SYT15: variants seen among roughly 807,000 people sequenced by gnomAD.
SYT15 encodes synaptotagmin-15.
In SYT15, 4 loss-of-function variants were observed where a neutral mutation model predicts 30.1. The observed-to-expected ratio is 0.13, with a 90% CI of 0.07 to 0.30. SYT15 has a LOEUF of 0.30. Ranked by LOEUF, SYT15 falls within the 10% of genes least tolerant of loss-of-function variation. The pLI is 1.00. For synonymous variants in SYT15, 19 were observed against 166.3 expected (o/e 0.11, Z 6.82); for missense variants, 49 against 371.7 (o/e 0.13, Z 7.14).
In SYT15 at chr10:46,584,502, C is replaced by CGGA. The variant is rs1555039478; in HGVS notation, c.832_834dup (p.Glu278dup). 1 of 1,612,176 alleles carries CGGA rather than the reference C, an allele frequency of 6.2e-7. No individual in the cohort carries two copies. Among genetic ancestry groups the CGGA allele is most frequent in the Non-Finnish European group, 8.5e-7 (1 of 1,179,164 alleles). On this transcript the variant is annotated inframe_insertion, in exon 6 of 8. Coordinates refer to ENST00000374321, the MANE Select transcript of SYT15 (RefSeq NM_031912.5). Reference sequence around the variant, plus strand: ...CCATCTTGGCCTCCCCAGCCCCCCTCGGAGTTTGGCGACCTCCAGTTCTGC... The same window carrying CGGA: ...CCATCTTGGCCTCCCCAGCCCCCCTCGGAGGAGTTTGGCGACCTCCAGTTCTGC...
At chr10:46,584,864 A>G (rs1417612010) in intron 6 of SYT15, among the ~76,000 whole-genome samples, 1 of 127,974 alleles carries the variant, frequency 7.8e-6, no homozygotes, top group African/African-American at 3.1e-5. Flanking sequence ...CCGCAATACC[A>G]GGCCCTGCCC....
rs1407679685 is a variant in SYT15, at chr10:46,580,742, T to C, written c.213-152T>C. ...TGCGTGTGTGTGTGTGTGTGTTGCC[T>C]GGTATGGGCCCAGAAAATGGTGCCC... is the stretch of plus-strand genomic sequence containing the variant. On this transcript the variant is annotated intron_variant, in intron 2 of 7. Transcript: ENST00000374321. 1.0e-3 allele frequency among the ~76,000 whole-genome samples: 143 copies of C among 139,410 alleles called. 22 individuals carry two copies. The highest frequency in any genetic ancestry group is 3.9e-3 in the African/African-American group (136 of 34,800). The allele number at this position is 139,410 out of a possible 152,430, so 91.5% of individuals were successfully genotyped here.
In SYT15 at chr10:46,592,026, G is replaced by GAT. The variant is rs1845465740; in HGVS notation, c.*4383_*4384dup. The GAT allele has an allele frequency of 7.7e-6, 1 of 130,330 alleles. No homozygotes were observed. Among genetic ancestry groups the GAT allele is most frequent in the Admixed American group, 7.6e-5 (1 of 13,204 alleles). The allele number at this position is 130,330 out of a possible 1,614,324, so 8.1% of individuals were successfully genotyped here. A position where few individuals can be genotyped will look rare whatever the true frequency, so the allele number is the denominator to read the frequency against. Reference sequence around the variant, plus strand: ...TGAATTTACATTTATTGTAATTACTGATATAGTTGTGTTCATAAATACCAT... The same window carrying GAT: ...TGAATTTACATTTATTGTAATTACTGATATATAGTTGTGTTCATAAATACCAT... On this transcript the variant is annotated 3_prime_UTR_variant, in exon 8 of 8. Transcript: ENST00000374321.
downstream of SYT15, among the ~76,000 whole-genome samples, chr10:46,595,230 T>C (rs1845630616): frequency 2.9e-4 from 32 of 109,098 alleles, no homozygotes; most frequent in South Asian, 6.2e-4. Flanking sequence ...CAGGTTCAAG[T>C]GATTCTCCTG....
At chr10:46,596,040 A>G (rs1845670434), downstream of SYT15, 2 of 146,428 alleles carry the variant, frequency 1.4e-5, no homozygotes, top group Non-Finnish European at 3.0e-5. Flanking sequence ...AGGGCAATGG[A>G]CACAGCCACA....
downstream of SYT15, chr10:46,596,888 A>G (rs1845706957): frequency 5.3e-6 from 2 of 379,958 alleles, no homozygotes; most frequent in Admixed American, 3.6e-5. Context: ...ATGGGATTGG[A>G]CATTTTAAAT....
At position 46,586,712 on chromosome 10, in the gene SYT15, G is replaced by T. The variant is rs535306352; in HGVS notation, c.1124-793G>T. Among the ~76,000 whole-genome samples the T allele has an allele frequency of 1.6e-3, 214 of 130,302 alleles. 31 individuals carry two copies. The highest frequency in any genetic ancestry group is 8.2e-3 in the Middle Eastern group (2 of 244). The allele number at this position is 130,302 out of a possible 152,430, so 85.5% of individuals were successfully genotyped here. A position where few individuals can be genotyped will look rare whatever the true frequency, so the allele number is the denominator to read the frequency against. On this transcript the variant is annotated intron_variant, in intron 7 of 7. Transcript: ENST00000374321. ...ATACAAAAGTTAGCTAGGCGTGGTG[G>T]TGCACGCCTGTAGGCCCAACTACTC... is the stretch of plus-strand genomic sequence containing the variant.
chr10:46,586,855 A>G (rs1371055988), intron 7 of SYT15, among the ~76,000 whole-genome samples: 1,074 of 22,678 alleles, frequency 0.047, 83 homozygotes, highest in African/African-American at 0.13. Flanking sequence ...AAAAAAAAAA[A>G]GAAAAGAAAA....
downstream of SYT15, chr10:46,593,298 T>C (rs1845536812): frequency 6.9e-6 from 1 of 144,576 alleles, no homozygotes; most frequent in Non-Finnish European, 1.5e-5. Context: ...AGTTTAAGTA[T>C]AGTGTGCCTG....
At chr10:46,594,532 T>C (rs1355970645), downstream of SYT15, among the ~76,000 whole-genome samples, 1 of 141,236 alleles carries the variant, frequency 7.1e-6, no homozygotes, top group Non-Finnish European at 1.5e-5. Flanking sequence ...GTCTCCCTTC[T>C]ACATGATATC....
downstream of SYT15, among the ~76,000 whole-genome samples, chr10:46,594,545 G>A (rs1444544196): frequency 3.7e-4 from 52 of 142,268 alleles, 5 homozygotes; most frequent in Non-Finnish European, 2.9e-4. Flanking sequence ...ATGATATCTC[G>A]GCCCCTTCAG....
chr10:46,580,680 CTGTGTGTGTGTGTG>C (rs10588659), intron 2 of SYT15, among the ~76,000 whole-genome samples, 200 bp from the exon 3 acceptor site: 6 of 125,438 alleles, frequency 4.8e-5, no homozygotes, highest in East Asian at 4.3e-4. Context: ...AATCCCACTG[CTGTGTGTGTGTGTG>C]TGTGTGTGTG....
intron 1 of SYT15, among the ~76,000 whole-genome samples, chr10:46,579,826 CT>C (rs1555035622): frequency 1.0e-5 from 1 of 96,916 alleles, no homozygotes; most frequent in African/African-American, 5.0e-5. Context: ...TATGGAGGTT[CT>C]GGTGAGGGCA....
Position 46,591,823 on chromosome 10 carries a change from A to G in SYT15, c.*4176A>G, listed in dbSNP as rs1350937500. The G allele has an allele frequency of 3.5e-5, 5 of 143,632 alleles. No individual in the cohort carries two copies. The highest frequency in any genetic ancestry group is 3.4e-4 in the Admixed American group (5 of 14,542). 8.9% of individuals were successfully genotyped at this position (143,632 alleles called of 1,614,324 possible). A position where few individuals can be genotyped will look rare whatever the true frequency, so the allele number is the denominator to read the frequency against. On this transcript the variant is annotated 3_prime_UTR_variant, in exon 8 of 8. Coordinates refer to ENST00000374321, the MANE Select transcript of SYT15 (RefSeq NM_031912.5). ...TTAGGCTCATACCCATTTAAAATTG[A>G]CGTTTTCTGGTAGAGTGAACCTTTA...
downstream of SYT15, among the ~76,000 whole-genome samples, chr10:46,594,854 T>TTGG: frequency 9.8e-6 from 1 of 102,406 alleles, no homozygotes; most frequent in Non-Finnish European, 1.9e-5. Context: ...GGAATGAGTG[T>TTGG]TGGTCTGCCT....
chr10:46,590,635 T>C lies in SYT15; in HGVS notation c.*2988T>C. On this transcript the variant is annotated 3_prime_UTR_variant, in exon 8 of 8. Transcript: ENST00000374321. ...CTAGGACCTCCAGCAGAATGCTGAC[T>C]ATAAGTAGTGATAGTGGGTATTCTT... 1 of 142,584 alleles carries C rather than the reference T, an allele frequency of 7.0e-6. No homozygotes were observed. Among genetic ancestry groups the C allele is most frequent in the East Asian group, 2.0e-4 (1 of 5,028 alleles). The allele number at this position is 142,584 out of a possible 1,614,324, so 8.8% of individuals were successfully genotyped here. A position where few individuals can be genotyped will look rare whatever the true frequency, so the allele number is the denominator to read the frequency against.
chr10:46,590,673 A>G lies in SYT15; in HGVS notation c.*3026A>G, dbSNP rs1555043320. ...AGTGGGTATTCTTGTCTCATCCTCA[A>G]TCTCAGGGGTGGTGGGTGTGGCATG... On this transcript the variant is annotated 3_prime_UTR_variant, in exon 8 of 8. Coordinates refer to ENST00000374321, the MANE Select transcript of SYT15 (RefSeq NM_031912.5). 1.4e-5 allele frequency: 2 copies of G among 143,772 alleles called. 1 individual carries two copies. Among genetic ancestry groups the G allele is most frequent in the South Asian group, 4.5e-4 (2 of 4,484 alleles). The allele number at this position is 143,772 out of a possible 1,614,324, so 8.9% of individuals were successfully genotyped here.
chr10:46,596,901 T>C, downstream of SYT15: 1 of 355,578 alleles, frequency 2.8e-6, no homozygotes, highest in South Asian at 2.1e-5. Flanking sequence ...TTTTAAATGC[T>C]GAACAGAGCC....
At chr10:46,586,841 CA>C (rs10712659) in intron 7 of SYT15, among the ~76,000 whole-genome samples, 14,595 of 21,052 alleles carry the variant, frequency 0.69, 4,350 homozygotes, top group East Asian at 0.98. Flanking sequence ...GAGACTCTGT[CA>C]AAAAAAAAAA....
Sources: gnomAD v4.1 joint callset for allele counts (sites outside exome capture counted in the v4.1 genomes callset) on GRCh38, gnomAD v4.1.1 for gene constraint, MANE v1.5 for transcripts, NCBI Gene and HGNC (gene_info 2026-07-23, HGNC 2026-07-21) for gene names.